Variants in MPP7 observed in about 807,000 individuals in gnomAD.
MPP7 encodes the protein MAGUK p55 scaffold protein 7, also known as MAGUK p55 subfamily member 7.
A neutral mutation model predicts 76.5 loss-of-function variants in MPP7; 60 were observed. The observed-to-expected ratio is 0.78, with a 90% CI of 0.64 to 0.97. MPP7 has a LOEUF of 0.97. Among genes scored for constraint, MPP7 ranks in the 50% least tolerant of loss-of-function variants. MPP7 has a pLI of 0.00. For missense variants in MPP7, 641 were observed against 694.0 expected, an observed-to-expected ratio of 0.92 and a Z score of 0.86; for synonymous variants, 237 against 244.5, an observed-to-expected ratio of 0.97 and a Z score of 0.29.
intron 2 of MPP7, among the ~76,000 whole-genome samples, chr10:28,207,418 T>A (rs1463999020): frequency 1.3e-5 from 2 of 152,138 alleles, no homozygotes; most frequent in Non-Finnish European, 2.9e-5. Flanking sequence ...TATTGGGGGC[T>A]GGGCACAGTG....
rs1187489611 is a variant in MPP7 at position 28,119,666 on chromosome 10, A to C, written c.937T>G (p.Ser313Ala). 2 of 1,613,534 alleles carry C rather than the reference A, an allele frequency of 1.2e-6. No individual in the cohort carries two copies. The highest frequency in any genetic ancestry group is 4.5e-5 in the East Asian group (2 of 44,840). Residue 313 changes from serine to alanine, a missense_variant, in exon 11 of 17, where the codon TCC (serine) becomes GCC (alanine). Ser to Ala is a moderately conservative substitution (Grantham distance 99). Coordinates refer to ENST00000683449, the MANE Select transcript of MPP7 (RefSeq NM_001318170.2). ...ACAAACTTACATGATTTCCTGTTGG[A>C]AACTTTCAGGGGCTGAACCAATATT... ...PEILVQPLKV[S>A]NRKSSGFRKS...
intron 2 of MPP7, among the ~76,000 whole-genome samples, chr10:28,216,175 T>C (rs1233026484): frequency 6.6e-6 from 1 of 151,028 alleles, no homozygotes; most frequent in African/African-American, 2.4e-5. Flanking sequence ...TCCAGGAGTA[T>C]GGGACCAGCC....
chr10:28,233,717 CAAAAAAA>C (rs752333257), intron 2 of MPP7, among the ~76,000 whole-genome samples: 2 of 73,376 alleles, frequency 2.7e-5, no homozygotes, highest in African/African-American at 5.0e-5. Context: ...GACTCCGTCT[CAAAAAAA>C]AAAAAAAAAA....
chr10:28,216,296 A>C (rs749503053), intron 2 of MPP7, among the ~76,000 whole-genome samples: 6 of 152,180 alleles, frequency 3.9e-5, no homozygotes, highest in Admixed American at 2.6e-4. Context: ...AGGCTGGGCG[A>C]CACAGTGACA....
intron 5 of MPP7, among the ~76,000 whole-genome samples, chr10:28,144,894 T>C (rs1301957309): frequency 6.6e-6 from 1 of 152,100 alleles, no homozygotes; most frequent in African/African-American, 2.4e-5. Flanking sequence ...CACTAGGCAT[T>C]AGAAGAAAAA....
chr10:28,278,149 A>C (rs1224519742), intron 1 of MPP7, among the ~76,000 whole-genome samples: 1 of 152,148 alleles, frequency 6.6e-6, no homozygotes, highest in Non-Finnish European at 1.5e-5. Flanking sequence ...AAAAAGAAAA[A>C]TAAAGCTTTT....
intron 1 of MPP7, among the ~76,000 whole-genome samples, chr10:28,287,560 G>A (rs1176447039): frequency 6.6e-6 from 1 of 151,984 alleles, no homozygotes; most frequent in South Asian, 2.1e-4. Context: ...GAAAATACTG[G>A]CTCATGGAAA....
chr10:28,320,664 C>T (rs1014376237), intron 2 of MPP7, among the ~76,000 whole-genome samples: 4 of 152,002 alleles, frequency 2.6e-5, no homozygotes, highest in Non-Finnish European at 5.9e-5. Flanking sequence ...TTTTGCTTGA[C>T]ATAACTCTTC....
At chr10:28,196,629 C>T (rs527285171) in intron 3 of MPP7, among the ~76,000 whole-genome samples, 288 of 152,258 alleles carry the variant, frequency 1.9e-3, no homozygotes, top group Middle Eastern at 6.8e-3. Flanking sequence ...GTATTGGTAT[C>T]TTAGGGCTTA....
intron 1 of MPP7, among the ~76,000 whole-genome samples, chr10:28,250,400 A>AG (rs1164435802): frequency 2.0e-5 from 3 of 152,120 alleles, no homozygotes; most frequent in African/African-American, 4.8e-5. Context: ...AAACTTTTTT[A>AG]GGGGAAAAAA....
intron 3 of MPP7, 128 bp downstream of exon 3, chr10:28,202,025 G>T: frequency 1.5e-6 from 1 of 681,268 alleles, no homozygotes; most frequent in Non-Finnish European, 2.6e-6. Flanking sequence ...TTCCACGCCC[G>T]TCGGTGAATG....
chr10:28,065,590 T>G (rs575935082), intron 13 of MPP7, among the ~76,000 whole-genome samples: 1 of 152,266 alleles, frequency 6.6e-6, no homozygotes, highest in South Asian at 2.1e-4. Context: ...GAGTACCCAC[T>G]ATGTATACCA....
intron 14 of MPP7, among the ~76,000 whole-genome samples, chr10:28,058,876 T>G (rs1230652572): frequency 3.3e-5 from 5 of 152,164 alleles, no homozygotes; most frequent in Non-Finnish European, 7.3e-5. Flanking sequence ...ATCACCCCCT[T>G]TTTCTTCAGA....
chr10:28,146,407 T>G (rs1312243839), intron 5 of MPP7, among the ~76,000 whole-genome samples: 2 of 10,406 alleles, frequency 1.9e-4, no homozygotes, highest in South Asian at 5.0e-3. Flanking sequence ...GTTTTTTTGT[T>G]TTTTTTTTTT....
intron 8 of MPP7, among the ~76,000 whole-genome samples, chr10:28,121,572 T>C (rs1263904547): frequency 6.6e-6 from 1 of 152,180 alleles, no homozygotes; most frequent in African/African-American, 2.4e-5. Context: ...AGATAGGATT[T>C]CTCTTTAAAT....
chr10:28,182,551 C>T (rs993932749), intron 3 of MPP7, among the ~76,000 whole-genome samples: 1 of 152,210 alleles, frequency 6.6e-6, no homozygotes, highest in Non-Finnish European at 1.5e-5. Flanking sequence ...GGGGAATCCA[C>T]ACAAAAGTTA....
intron 3 of MPP7, among the ~76,000 whole-genome samples, chr10:28,182,092 A>T (rs1191007833): frequency 1.3e-5 from 2 of 152,112 alleles, no homozygotes; most frequent in Non-Finnish European, 2.9e-5. Context: ...CCAGACCAGG[A>T]GATAATTTAC....
At chr10:28,157,124 C>T (rs1028696000) in intron 3 of MPP7, among the ~76,000 whole-genome samples, 18 of 152,160 alleles carry the variant, frequency 1.2e-4, no homozygotes, top group African/African-American at 3.9e-4. Flanking sequence ...ACAGGAGAAT[C>T]GCTTGAACCC....
chr10:28,331,473 G>C (rs968598635), intron 1 of MPP7, among the ~76,000 whole-genome samples: 1 of 152,192 alleles, frequency 6.6e-6, no homozygotes, highest in East Asian at 1.9e-4. Flanking sequence ...TGTTGGTCTC[G>C]CTCATAATTT....
Sources: allele counts gnomAD v4.1 joint callset (sites outside exome capture counted in the v4.1 genomes callset), GRCh38; gene constraint gnomAD v4.1.1; transcripts MANE v1.5; gene names NCBI Gene and HGNC (gene_info 2026-07-23, HGNC 2026-07-21).